Variants in PLCB1 observed in about 807,000 individuals in gnomAD.
The protein encoded by PLCB1 is 1-phosphatidylinositol 4,5-bisphosphate phosphodiesterase beta-1.
Under a neutral mutation model 161.8 loss-of-function variants are expected in PLCB1, and 46 were observed. The observed-to-expected ratio is 0.28, with a 90% CI of 0.22 to 0.36. PLCB1 has a LOEUF of 0.36. PLCB1 is among the 10% of genes least tolerant of loss of function. The pLI, the probability that PLCB1 is intolerant of heterozygous loss-of-function variation, is 1.00. For missense variants in PLCB1, 1,016 were observed against 1,472.5 expected (o/e 0.69, Z 5.07); for synonymous variants, 517 against 503.7 (o/e 1.03, Z -0.35).
intron 2 of PLCB1, among the ~76,000 whole-genome samples, chr20:8,253,594 G>A (rs1568606486): frequency 2.0e-5 from 3 of 151,978 alleles, no homozygotes; most frequent in Non-Finnish European, 2.9e-5. Flanking sequence ...TTGATATCTA[G>A]CAGTGTCTCT....
At chr20:8,791,588 G>A (rs975947760) in intron 31 of PLCB1, among the ~76,000 whole-genome samples, 2 of 150,786 alleles carry the variant, frequency 1.3e-5, no homozygotes, top group African/African-American at 4.9e-5. Context: ...GGCTCAGCTA[G>A]TTTTTGTATT....
chr20:8,177,865 C>T (rs568553000), intron 2 of PLCB1, among the ~76,000 whole-genome samples: 9 of 152,092 alleles, frequency 5.9e-5, no homozygotes, highest in South Asian at 4.2e-4. Flanking sequence ...AGGTAGGTCC[C>T]GGTGTCTATT....
At chr20:8,440,389 T>C (rs1292335541) in intron 3 of PLCB1, among the ~76,000 whole-genome samples, 3 of 152,214 alleles carry the variant, frequency 2.0e-5, no homozygotes, top group Non-Finnish European at 2.9e-5. Context: ...TCTGTAAAAA[T>C]GACTTGACTG....
At chr20:8,335,417 C>G (rs1378190384) in intron 2 of PLCB1, among the ~76,000 whole-genome samples, 1 of 152,226 alleles carries the variant, frequency 6.6e-6, no homozygotes, top group Non-Finnish European at 1.5e-5. Flanking sequence ...CTAGACACCT[C>G]CCTCTAACCC....
At position 8,300,055 on chromosome 20, in the gene PLCB1, G is replaced by A. The variant is rs140023676; in HGVS notation, c.178-71327G>A. On this transcript the variant is annotated intron_variant, in intron 2 of 31. Transcript: ENST00000338037. ...CACCTTGATGACTCTACTGACCTTG[G>A]CTGAGCTCACTCACATGTCTGGGGA... Among the ~76,000 whole-genome samples, 581 of 152,224 alleles carry A rather than the reference G, an allele frequency of 3.8e-3. 5 individuals carry two copies. Among genetic ancestry groups the A allele is most frequent in the African/African-American group, 0.013 (556 of 41,546 alleles).
intron 3 of PLCB1, among the ~76,000 whole-genome samples, chr20:8,513,256 C>T (rs1260321718): frequency 1.3e-5 from 2 of 152,104 alleles, no homozygotes; most frequent in Non-Finnish European, 1.5e-5. Context: ...TTTGTGGAGG[C>T]CACACAGGGA....
intron 4 of PLCB1, among the ~76,000 whole-genome samples, chr20:8,642,135 T>A (rs936257027): frequency 6.6e-6 from 1 of 152,208 alleles, no homozygotes; most frequent in African/African-American, 2.4e-5. Context: ...CCTAGCTTTT[T>A]GTTAGTTGGG....
intron 2 of PLCB1, among the ~76,000 whole-genome samples, chr20:8,159,369 A>G (rs1850362227): frequency 6.6e-6 from 1 of 152,122 alleles, no homozygotes; most frequent in African/African-American, 2.4e-5. Flanking sequence ...CCTAGGCTAC[A>G]CACAGCACAG....
intron 2 of PLCB1, among the ~76,000 whole-genome samples, chr20:8,189,152 C>CA (rs2051938496): frequency 6.6e-6 from 1 of 151,384 alleles, no homozygotes. Flanking sequence ...TGTGTCTGTG[C>CA]CAGACACAGA....
intron 2 of PLCB1, among the ~76,000 whole-genome samples, chr20:8,254,171 C>A (rs1271382884): frequency 6.6e-6 from 1 of 151,660 alleles, no homozygotes; most frequent in Non-Finnish European, 1.5e-5. Flanking sequence ...GACTCTTGGA[C>A]ACATTGTCTT....
In PLCB1 at chr20:8,151,997, T is replaced by A. The variant is rs537309694; in HGVS notation, c.177+1626T>A. 1.9e-3 allele frequency among the ~76,000 whole-genome samples: 292 copies of A among 152,300 alleles called. 5 individuals carry two copies. Among genetic ancestry groups the A allele is most frequent in the African/African-American group, 6.8e-3 (283 of 41,582 alleles). On this transcript the variant is annotated intron_variant, in intron 2 of 31. Coordinates refer to ENST00000338037, the MANE Select transcript of PLCB1 (RefSeq NM_015192.4). ...GTTGTGAACCCAGTATTTTGACCCA[T>A]GCTTATTTTCAAAGGTAGGAAAATT...
intron 25 of PLCB1, among the ~76,000 whole-genome samples, chr20:8,762,238 A>G (rs1165654214): frequency 6.6e-6 from 1 of 152,192 alleles, no homozygotes; most frequent in African/African-American, 2.4e-5. Flanking sequence ...GTTTCATGGG[A>G]AACAACACCA....
chr20:8,211,729 C>A (rs1160826003), intron 2 of PLCB1, among the ~76,000 whole-genome samples: 1 of 152,044 alleles, frequency 6.6e-6, no homozygotes, highest in Non-Finnish European at 1.5e-5. Flanking sequence ...GTATTCATTT[C>A]AATTTCTCTT....
intron 2 of PLCB1, among the ~76,000 whole-genome samples, chr20:8,326,236 T>A (rs766205449): frequency 6.6e-6 from 1 of 152,228 alleles, no homozygotes; most frequent in Non-Finnish European, 1.5e-5. Flanking sequence ...TGGGAAATTA[T>A]ATAGTGATAT....
At chr20:8,826,870 C>T (rs1008859624) in intron 31 of PLCB1, among the ~76,000 whole-genome samples, 18 of 152,130 alleles carry the variant, frequency 1.2e-4, no homozygotes, top group Admixed American at 2.0e-4. Flanking sequence ...TTTTATGCGT[C>T]TGTGTTTCAG....
chr20:8,706,333 C>A (rs1033480154), intron 11 of PLCB1, among the ~76,000 whole-genome samples: 1 of 152,298 alleles, frequency 6.6e-6, no homozygotes, highest in East Asian at 1.9e-4. Context: ...ACAGAATTCT[C>A]CCAAAGGAAG....
At chr20:8,324,117 T>C (rs1016197221) in intron 2 of PLCB1, among the ~76,000 whole-genome samples, 1 of 152,094 alleles carries the variant, frequency 6.6e-6, no homozygotes, top group African/African-American at 2.4e-5. Flanking sequence ...GCTAGACTAC[T>C]GTGATTAATA....
At chr20:8,510,488 C>T (rs531273460) in intron 3 of PLCB1, among the ~76,000 whole-genome samples, 1 of 150,980 alleles carries the variant, frequency 6.6e-6, no homozygotes, top group Non-Finnish European at 1.5e-5. Context: ...CAGGTTCAAG[C>T]GATTCTCCTG....
At chr20:8,180,701 A>G (rs970081156) in intron 2 of PLCB1, among the ~76,000 whole-genome samples, 1 of 152,176 alleles carries the variant, frequency 6.6e-6, no homozygotes, top group Admixed American at 6.5e-5. Flanking sequence ...TTAAATTCCA[A>G]ATGAAAATTT....
Sources: gnomAD v4.1 joint callset for allele counts (sites outside exome capture counted in the v4.1 genomes callset) on GRCh38, gnomAD v4.1.1 for gene constraint, MANE v1.5 for transcripts, NCBI Gene and HGNC (gene_info 2026-07-23, HGNC 2026-07-21) for gene names.